VPS13C: variants seen among roughly 807,000 people sequenced by gnomAD.
VPS13C encodes the protein vacuolar protein sorting 13 homolog C.
A neutral mutation model predicts 456.8 loss-of-function variants in VPS13C; 358 were observed. That is an observed-to-expected ratio of 0.78 (90% CI 0.72 to 0.86). VPS13C has a LOEUF of 0.86. Ranked by LOEUF, VPS13C falls within the 40% of genes least tolerant of loss-of-function variation. The pLI is 0.00. For synonymous variants in VPS13C, 1,578 were observed against 1,486.7 expected (o/e 1.06, Z -1.41); for missense variants, 4,818 against 4,385.4 (o/e 1.10, Z -2.79).
chr15:61,884,375 A>C (rs577813076), intron 67 of VPS13C, 106 bp from the exon 68 acceptor site: 4 of 1,242,430 alleles, frequency 3.2e-6, no homozygotes, highest in Non-Finnish European at 4.4e-6. Context: ...TGAAAATTAC[A>C]TTGGTATAAG....
chr15:62,012,143 G>A lies in VPS13C; in HGVS notation c.847C>T (p.Leu283Phe). ...TTTGGGGGTATATTTCCACTTGTAA[G>A]AATTTCATTTTTCAGCTGATCCTAA... ...QILDQLKNEI[L>F]TSGNIPPNYQ... The change falls in exon 12 of 85, where the codon CTT becomes TTT. Residue 283 changes from leucine (L) to phenylalanine (F), a missense_variant. Physicochemically the swap from Leu to Phe is conservative, Grantham distance 22 (BLOSUM62 0). This residue lies in a region of VPS13C where 4,552 missense variants were observed against 4,130.6 expected (regional missense o/e 1.10). Coordinates refer to ENST00000644861, the MANE Select transcript of VPS13C (RefSeq NM_020821.3). 1 of 1,544,380 alleles carries A rather than the reference G, an allele frequency of 6.5e-7. No individual in the cohort carries two copies. Among genetic ancestry groups the A allele is most frequent in the Non-Finnish European group, 8.9e-7 (1 of 1,122,982 alleles).
chr15:61,855,910 A>G (rs1185401009), intron 83 of VPS13C, among the ~76,000 whole-genome samples: 1 of 152,122 alleles, frequency 6.6e-6, no homozygotes, highest in East Asian at 1.9e-4. Context: ...ATTTTATCAA[A>G]TCACTTAATA....
intron 68 of VPS13C, among the ~76,000 whole-genome samples, chr15:61,883,249 C>G (rs1174142626): frequency 6.7e-6 from 1 of 149,188 alleles, no homozygotes; most frequent in East Asian, 2.0e-4. Flanking sequence ...GTTGTCCAGG[C>G]AAGTCTCAAA....
intron 47 of VPS13C, among the ~76,000 whole-genome samples, chr15:61,940,144 A>C (rs1039178303): frequency 6.6e-6 from 1 of 152,216 alleles, no homozygotes; most frequent in Non-Finnish European, 1.5e-5. Flanking sequence ...ACATTTGCCT[A>C]TTCAAAATGA....
At chr15:62,011,028 G>A (rs906856927) in intron 12 of VPS13C, among the ~76,000 whole-genome samples, 1 of 151,922 alleles carries the variant, frequency 6.6e-6, no homozygotes, top group Non-Finnish European at 1.5e-5. Flanking sequence ...ACAAAATCAT[G>A]AATAAAATTC....
Position 62,060,420 on chromosome 15 carries a change from C to G in VPS13C, c.-46G>C. The G allele has an allele frequency of 9.7e-7, 1 of 1,029,908 alleles. No homozygotes were observed. The highest frequency in any genetic ancestry group is 1.3e-5 in the South Asian group (1 of 74,262). 63.8% of individuals were successfully genotyped at this position (1,029,908 alleles called of 1,614,324 possible). On this transcript the variant is annotated 5_prime_UTR_variant, in exon 1 of 85. Coordinates refer to ENST00000644861, the MANE Select transcript of VPS13C (RefSeq NM_020821.3). Reference sequence around the variant, plus strand: ...AGAGGGAGGAGCCGGAACCGCCCGGCGCAGCTGAGGGCTGCGACCAGCGCT... The same window carrying G: ...AGAGGGAGGAGCCGGAACCGCCCGGGGCAGCTGAGGGCTGCGACCAGCGCT...
intron 67 of VPS13C, among the ~76,000 whole-genome samples, chr15:61,884,591 G>A (rs931026321): frequency 4.0e-5 from 6 of 151,656 alleles, no homozygotes; most frequent in African/African-American, 1.2e-4. Flanking sequence ...AGGCAACTTA[G>A]ATACCAAAGA....
At chr15:61,932,998 T>G (rs1435941433) in intron 49 of VPS13C, among the ~76,000 whole-genome samples, 1 of 152,206 alleles carries the variant, frequency 6.6e-6, no homozygotes, top group African/African-American at 2.4e-5. Context: ...AAACTGAAGT[T>G]GTGCCAATAT....
chr15:61,992,735 A>G (rs74615986), intron 16 of VPS13C, among the ~76,000 whole-genome samples: 1 of 152,154 alleles, frequency 6.6e-6, no homozygotes, highest in Non-Finnish European at 1.5e-5. Context: ...TGTGGATACC[A>G]CAGCTCAGTG....
In VPS13C at chr15:61,949,045, T is replaced by G. The variant is rs565083845; in HGVS notation, c.4759+398A>C. Reference sequence around the variant, plus strand: ...CTTCCCTGCAGTGTCCCACTAAGCATTTAAAATTGCTGAGCACCAGGTAAG... The same window carrying G: ...CTTCCCTGCAGTGTCCCACTAAGCAGTTAAAATTGCTGAGCACCAGGTAAG... On this transcript the variant is annotated intron_variant, in intron 42 of 84. Transcript: ENST00000644861. 3.9e-5 allele frequency among the ~76,000 whole-genome samples: 6 copies of G among 152,260 alleles called. No homozygotes were observed. In the East Asian group the frequency reaches 1.2e-3, roughly 29 times the overall value.
At chr15:61,954,157 T>C (rs867391988) in intron 38 of VPS13C, among the ~76,000 whole-genome samples, 2 of 152,328 alleles carry the variant, frequency 1.3e-5, no homozygotes, top group Middle Eastern at 3.4e-3. Context: ...GCATTTCTTA[T>C]ATGACATCCA....
intron 6 of VPS13C, 73 bp downstream of exon 6, chr15:62,028,285 G>A: frequency 6.6e-7 from 1 of 1,504,862 alleles, no homozygotes; most frequent in Non-Finnish European, 9.2e-7. Context: ...CCATCAAATG[G>A]ACTCCACCAA....
At chr15:61,939,693 T>C (rs2044349730) in intron 47 of VPS13C, among the ~76,000 whole-genome samples, 1 of 152,112 alleles carries the variant, frequency 6.6e-6, no homozygotes, top group African/African-American at 2.4e-5. Context: ...TCTAGCTACA[T>C]TATTAAAAAT....
chr15:61,918,247 T>C lies in VPS13C; in HGVS notation c.7649A>G (p.His2550Arg). The C allele has an allele frequency of 6.4e-7, 1 of 1,566,486 alleles. No individual in the cohort carries two copies. Among genetic ancestry groups the C allele is most frequent in the Non-Finnish European group, 8.6e-7 (1 of 1,161,166 alleles). Reference protein sequence around the residue: ...TLRSPLQIKNHFSIAFIIYKF... With the variant: ...TLRSPLQIKNRFSIAFIIYKF... ...ATAGATGATAAATGCAATGGAGAAA[T>C]GGTTTTTGATCTGTTGGACAAAAAA... is the stretch of plus-strand genomic sequence containing the variant. Residue 2550 changes from histidine (H) to arginine (R), a missense_variant, in exon 59 of 85, where the codon CAT (histidine) becomes CGT (arginine). Around this residue, in one of 3 missense-constraint regions of VPS13C, gnomAD observed 4,552 missense variants for 4,130.6 expected, o/e 1.10. Transcript: ENST00000644861.
chr15:61,864,379 A>G (rs757659931), intron 81 of VPS13C: 7 of 901,460 alleles, frequency 7.8e-6, no homozygotes, highest in Non-Finnish European at 9.3e-6. Context: ...TTAGTCAAAT[A>G]TTAAAAACGA....
intron 28 of VPS13C, among the ~76,000 whole-genome samples, chr15:61,968,509 C>A (rs979923909): frequency 7.9e-5 from 12 of 151,958 alleles, no homozygotes; most frequent in African/African-American, 2.9e-4. Context: ...CCACAGGTAC[C>A]AAGGGACGAC....
chr15:62,003,356 T>C (rs1402842139), intron 15 of VPS13C, among the ~76,000 whole-genome samples: 1 of 151,818 alleles, frequency 6.6e-6, no homozygotes, highest in East Asian at 1.9e-4. Context: ...TTGTGATTTT[T>C]GCACATTGAT....
At chr15:62,017,829 A>G (rs1244383734) in intron 9 of VPS13C, among the ~76,000 whole-genome samples, 1 of 152,166 alleles carries the variant, frequency 6.6e-6, no homozygotes, top group Non-Finnish European at 1.5e-5. Context: ...GAAGAAAGTC[A>G]TTGGTAGCTT....
chr15:61,977,719 G>A (rs2045746009), intron 23 of VPS13C, among the ~76,000 whole-genome samples: 1 of 151,954 alleles, frequency 6.6e-6, no homozygotes, highest in African/African-American at 2.4e-5. Context: ...CCCAAAAACA[G>A]ATTTTCCAAC....
Sources: gnomAD v4.1 joint callset for allele counts (sites outside exome capture counted in the v4.1 genomes callset) on GRCh38, gnomAD v4.1.1 for gene constraint, gnomAD v4.1.1 regional missense constraint, MANE v1.5 for transcripts, NCBI Gene and HGNC (gene_info 2026-07-23, HGNC 2026-07-21) for gene names.